Variants in CADPS observed in about 807,000 individuals in gnomAD.
CADPS encodes calcium-dependent secretion activator 1.
A neutral mutation model predicts 167.3 loss-of-function variants in CADPS; 57 were observed. The ratio of observed to expected loss-of-function variants is 0.34; its 90% CI spans 0.28 to 0.42. CADPS has a LOEUF of 0.42. Among genes scored for constraint, CADPS ranks in the 20% least tolerant of loss-of-function variants. The pLI is 1.00. For missense variants in CADPS, 1,414 were observed against 1,738.1 expected (o/e 0.81, Z 3.32); for synonymous variants, 676 against 635.3 (o/e 1.06, Z -0.96).
chr3:62,557,561 C>T, intron 9 of CADPS, 48 bp from the exon 10 acceptor site: 1 of 1,434,102 alleles, frequency 7.0e-7, no homozygotes, highest in Non-Finnish European at 9.8e-7. Context: ...AGCCTGTCTT[C>T]TCCAAAAAAC....
At chr3:62,437,973 G>C (rs893861467) in intron 28 of CADPS, 131 bp downstream of exon 28, 14 of 631,504 alleles carry the variant, frequency 2.2e-5, no homozygotes, top group Admixed American at 8.2e-5. Context: ...GGCAGAGGGA[G>C]AGGAAAAGAT....
chr3:62,399,413 T>C lies in CADPS; in HGVS notation c.4055A>G (p.Asp1352Gly), dbSNP rs768330044. ...MKDSDEEDEE[D>G]D The stretch of plus-strand genomic sequence containing the variant: ...ACTCTAGGACCAAATGGTCTAATCG[T>C]CTTCTTCGTCTTCCTCATCGCTGTC... The change falls in exon 30 of 30, where the codon GAC becomes GGC. Residue 1352 changes from aspartate to glycine, a missense_variant. This residue lies in a region of CADPS where 185 missense variants were observed against 251.5 expected (regional missense o/e 0.74). Transcript: ENST00000383710. This position sits in a 1 kb window ranked among gnomAD's most constrained non-coding sequence, Gnocchi z 5.6. 3.1e-6 allele frequency: 5 copies of C among 1,614,138 alleles called. No homozygotes were observed. The highest frequency in any genetic ancestry group is 4.2e-6 in the Non-Finnish European group (5 of 1,179,968).
chr3:62,634,049 T>C (rs1204979007), intron 6 of CADPS, among the ~76,000 whole-genome samples: 2 of 152,212 alleles, frequency 1.3e-5, no homozygotes, highest in Admixed American at 6.5e-5. Context: ...TCTTTCAGTA[T>C]GGCCAATCGT....
Position 62,874,334 on chromosome 3 carries a change from G to A in CADPS, c.441+255C>T, listed in dbSNP as rs146471000. Among the ~76,000 whole-genome samples, 2 of 152,150 alleles carry A rather than the reference G, an allele frequency of 1.3e-5. No homozygotes were observed. Among genetic ancestry groups the A allele is most frequent in the African/African-American group, 2.4e-5 (1 of 41,454 alleles). Reference sequence around the variant, plus strand: ...CCTCGCTCACCAACGCTCCCGGGCTGGGGGGGCTCGAGCAAGCGGCGCTGC... The same window carrying A: ...CCTCGCTCACCAACGCTCCCGGGCTAGGGGGGCTCGAGCAAGCGGCGCTGC... On this transcript the variant is annotated intron_variant, in intron 1 of 29. Coordinates refer to ENST00000383710, the MANE Select transcript of CADPS (RefSeq NM_003716.4). The surrounding 1 kb of genome is among the most constrained non-coding windows in gnomAD (Gnocchi z 7.1).
intron 28 of CADPS, among the ~76,000 whole-genome samples, chr3:62,408,202 A>C (rs922433866): frequency 6.6e-6 from 1 of 152,188 alleles, no homozygotes; most frequent in Admixed American, 6.5e-5. Context: ...TTATTCTCTA[A>C]CATTCGGGTT....
intron 1 of CADPS, among the ~76,000 whole-genome samples, chr3:62,846,591 A>C (rs940780805): frequency 7.2e-5 from 11 of 152,134 alleles, no homozygotes; most frequent in Non-Finnish European, 1.3e-4. Flanking sequence ...AATTTGCAAA[A>C]TATGTTGGTT....
At position 62,548,313 on chromosome 3, in the gene CADPS, A is replaced by T. The variant is rs181782787; in HGVS notation, c.1966+1590T>A. On this transcript the variant is annotated intron_variant, in intron 11 of 29. Transcript: ENST00000383710. ...TCTTTACTGCTCTCAAGTAAACCTA[A>T]GTGCAGGAAGATGTTAGAGAATACA... Among the ~76,000 whole-genome samples, 3 of 152,324 alleles carry T rather than the reference A, an allele frequency of 2.0e-5. No homozygotes were observed. The South Asian group carries it at 6.2e-4, about 32-fold the overall frequency.
chr3:62,434,000 A>T lies in CADPS; in HGVS notation c.3777+4104T>A, dbSNP rs1346249882. On this transcript the variant is annotated intron_variant, in intron 28 of 29. Coordinates refer to ENST00000383710, the MANE Select transcript of CADPS (RefSeq NM_003716.4). This position sits in a 1 kb window ranked among gnomAD's most constrained non-coding sequence, Gnocchi z 4.7. ...TTCCTCTGTAGCTGCTGCTTTAGGA[A>T]TATGGAGATTATTTCATATCCATGT... Among the ~76,000 whole-genome samples, 2 of 152,206 alleles carry T rather than the reference A, an allele frequency of 1.3e-5. No individual in the cohort carries two copies. The highest frequency in any genetic ancestry group is 1.3e-4 in the Admixed American group (2 of 15,280).
At chr3:62,867,463 G>C (rs137996025) in intron 1 of CADPS, among the ~76,000 whole-genome samples, 2 of 152,152 alleles carry the variant, frequency 1.3e-5, no homozygotes, top group African/African-American at 4.8e-5. Context: ...TTTGAAGCCA[G>C]ACAAATGGGT....
At chr3:62,832,800 T>C (rs2152996259) in intron 1 of CADPS, among the ~76,000 whole-genome samples, 2 of 152,358 alleles carry the variant, frequency 1.3e-5, no homozygotes, top group East Asian at 3.9e-4. Flanking sequence ...AGCCAACTAT[T>C]GCAACTGCTG....
intron 3 of CADPS, among the ~76,000 whole-genome samples, chr3:62,715,373 C>CTATCTATCTACCTAT (rs1554105668): frequency 6.7e-5 from 9 of 134,606 alleles, no homozygotes; most frequent in African/African-American, 2.3e-4. Flanking sequence ...TATCTATCTA[C>CTATCTATCTACCTAT]CTATCTATCT....
chr3:62,726,780 C>A (rs2076825963), intron 3 of CADPS, among the ~76,000 whole-genome samples: 1 of 151,890 alleles, frequency 6.6e-6, no homozygotes, highest in Non-Finnish European at 1.5e-5. Flanking sequence ...AACCCTCAGA[C>A]AAAAATTCTT....
At chr3:62,834,673 C>T (rs898344194) in intron 1 of CADPS, among the ~76,000 whole-genome samples, 1 of 152,134 alleles carries the variant, frequency 6.6e-6, no homozygotes, top group Non-Finnish European at 1.5e-5. Flanking sequence ...ATATGATGGA[C>T]CTAGTCCAGG....
chr3:62,407,059 A>G (rs1708760452), intron 28 of CADPS, among the ~76,000 whole-genome samples: 1 of 152,172 alleles, frequency 6.6e-6, no homozygotes, highest in Non-Finnish European at 1.5e-5. Flanking sequence ...ATGCTCATAA[A>G]GCACTCACAA....
At chr3:62,512,878 G>A in intron 16 of CADPS, 110 bp from the exon 17 acceptor site, 1 of 812,628 alleles carries the variant, frequency 1.2e-6, no homozygotes, top group African/African-American at 1.8e-5. Context: ...TGTGATACAT[G>A]ATATTGGAAA....
At chr3:62,497,122 G>T (rs2167593) in intron 18 of CADPS, among the ~76,000 whole-genome samples, 1 of 152,092 alleles carries the variant, frequency 6.6e-6, no homozygotes, top group Non-Finnish European at 1.5e-5. Context: ...AACACAGCGA[G>T]AAAGGGCTTT....
At chr3:62,817,542 T>G (rs1513135) in intron 1 of CADPS, among the ~76,000 whole-genome samples, 135,264 of 152,162 alleles carry the variant, frequency 0.89, 60,314 homozygotes, top group East Asian at 1. Context: ...TGATTTTTTA[T>G]TCCTTTAATC....
intron 6 of CADPS, among the ~76,000 whole-genome samples, chr3:62,611,644 G>A (rs1243987891): frequency 6.6e-6 from 1 of 152,104 alleles, no homozygotes; most frequent in Non-Finnish European, 1.5e-5. Context: ...CTCTCATTCT[G>A]GTTCATTTAG....
intron 1 of CADPS, among the ~76,000 whole-genome samples, chr3:62,806,757 A>AT (rs1437059366): frequency 6.6e-6 from 1 of 152,092 alleles, no homozygotes; most frequent in Non-Finnish European, 1.5e-5. Context: ...AACCAATGTG[A>AT]TTTTTTTAAA....
Sources: gnomAD v4.1 joint callset for allele counts (sites outside exome capture counted in the v4.1 genomes callset) on GRCh38, gnomAD v4.1.1 for gene constraint, gnomAD v4.1.1 regional missense constraint, Gnocchi (gnomAD v3.1) non-coding constraint, MANE v1.5 for transcripts, NCBI Gene and HGNC (gene_info 2026-07-23, HGNC 2026-07-21) for gene names.